The following COL6A3 variants were observed in gnomAD, a reference collection of about 807,000 sequenced individuals.
COL6A3 encodes the protein collagen alpha-3(VI) chain.
A neutral mutation model predicts 274.1 loss-of-function variants in COL6A3; 137 were observed. The ratio of observed to expected loss-of-function variants is 0.50; its 90% CI spans 0.44 to 0.58. The LOEUF (loss-of-function observed/expected upper bound fraction) is 0.58. Among genes scored for constraint, COL6A3 ranks in the 20% least tolerant of loss-of-function variants. The pLI, the probability that COL6A3 is intolerant of heterozygous loss-of-function variation, is 0.00. For missense variants in COL6A3, 3,950 were observed against 4,124.9 expected (o/e 0.96, Z 1.16); for synonymous variants, 1,650 against 1,650.6 (o/e 1.00, Z 0.01).
intron 8 of COL6A3, among the ~76,000 whole-genome samples, chr2:237,373,709 C>G (rs904056538): frequency 2.6e-5 from 4 of 152,182 alleles, no homozygotes; most frequent in African/African-American, 9.7e-5. Context: ...GTGAACCCCC[C>G]CCACCCGAGT....
intron 37 of COL6A3, 39 bp downstream of exon 37, chr2:237,342,026 T>C: frequency 3.2e-6 from 5 of 1,541,706 alleles, no homozygotes; most frequent in Non-Finnish European, 4.5e-6. Flanking sequence ...GTTTTGCAAT[T>C]GCAGCTGAGC....
intron 42 of COL6A3, chr2:237,327,982 C>T (rs1700037874): frequency 1.3e-5 from 2 of 152,218 alleles, no homozygotes; most frequent in Non-Finnish European, 2.9e-5. Context: ...AGTCTGCCCC[C>T]CAGGTATAAC....
At chr2:237,394,455 T>C (rs906991906) in intron 3 of COL6A3, 132 bp downstream of exon 3, 56 of 1,154,926 alleles carry the variant, frequency 4.8e-5, no homozygotes, top group South Asian at 1.4e-4. Flanking sequence ...AAACCTTTGT[T>C]TTTAAACCTG....
chr2:237,334,490 T>G (rs1700426819), intron 41 of COL6A3, 136 bp downstream of exon 41: 2 of 959,896 alleles, frequency 2.1e-6, no homozygotes, highest in Non-Finnish European at 3.2e-6. Flanking sequence ...CTGAGTTGTT[T>G]TGTTGTTGTT....
At chr2:237,338,721 T>C (rs1055662781) in intron 39 of COL6A3, among the ~76,000 whole-genome samples, 2 of 152,218 alleles carry the variant, frequency 1.3e-5, no homozygotes, top group African/African-American at 4.8e-5. Flanking sequence ...TGAGCCAAGA[T>C]TGCACAACTG....
In COL6A3 at chr2:237,388,008, A is replaced by T; in HGVS notation, c.886T>A (p.Leu296Met). 6.2e-7 allele frequency: 1 copy of T among 1,614,210 alleles called. No homozygotes were observed. Among genetic ancestry groups the T allele is most frequent in the Non-Finnish European group, 8.5e-7 (1 of 1,180,028 alleles). ...FSDEPRTMFSLDTYSTKAQVL... is the reference protein window; with the variant it reads ...FSDEPRTMFSMDTYSTKAQVL... ...TGGGCCTTGGTGGAGTAGGTGTCCA[A>T]GGAGAACATGGTTCTGGGCTCATCG... Residue 296 changes from leucine (L) to methionine (M), a missense_variant, in exon 4 of 44, where the codon TTG becomes ATG. By Grantham distance (15) the Leu-to-Met change is conservative. Transcript: ENST00000295550.
At chr2:237,335,049 A>T (rs890422207) in intron 40 of COL6A3, among the ~76,000 whole-genome samples, 160 bp from the exon 41 acceptor site, 2 of 152,232 alleles carry the variant, frequency 1.3e-5, no homozygotes, top group Admixed American at 1.3e-4. Flanking sequence ...CCTAAAAAAC[A>T]TTGCTCTTAT....
At chr2:237,408,040 A>G (rs1440014070) in intron 1 of COL6A3, among the ~76,000 whole-genome samples, 1 of 152,242 alleles carries the variant, frequency 6.6e-6, no homozygotes, top group Non-Finnish European at 1.5e-5. Context: ...GTTCCACTGT[A>G]AATGATTAAA....
chr2:237,354,615 T>C (rs2077277308), intron 24 of COL6A3, among the ~76,000 whole-genome samples: 1 of 152,198 alleles, frequency 6.6e-6, no homozygotes. Flanking sequence ...CCCACCTTTC[T>C]GGACCGAACC....
Position 237,372,173 on chromosome 2 carries a change from C to A in COL6A3, c.3844G>T (p.Val1282Leu), listed in dbSNP as rs535661345. The change falls in exon 9 of 44, where the codon GTG becomes TTG. Residue 1282 changes from valine to leucine, a missense_variant. Physicochemically the swap from Val to Leu is conservative, Grantham distance 32. Coordinates refer to ENST00000295550, the MANE Select transcript of COL6A3 (RefSeq NM_004369.4). ...GAATGGGCGTTCAGCAGGAACTCCA[C>A]CTTGGGGTCATCGCTGAACTGGATG... ...AVIQFSDDPK[V>L]EFLLNAHSSK... 6.2e-7 allele frequency: 1 copy of A among 1,614,158 alleles called. No homozygotes were observed. Among genetic ancestry groups the A allele is most frequent in the South Asian group, 1.1e-5 (1 of 91,082 alleles).
chr2:237,327,168 G>T (rs1292094363), intron 42 of COL6A3: 1 of 152,248 alleles, frequency 6.6e-6, no homozygotes, highest in African/African-American at 2.4e-5. Flanking sequence ...ACAAGGCAAG[G>T]TAATTTAACC....
intron 42 of COL6A3, chr2:237,333,082 GT>G (rs571368541): frequency 8.9e-5 from 29 of 326,590 alleles, no homozygotes; most frequent in Non-Finnish European, 4.8e-5. Flanking sequence ...CTTCTAAGCA[GT>G]TTTTTTATTA....
chr2:237,350,689 G>A (rs988551806), intron 27 of COL6A3, among the ~76,000 whole-genome samples: 4 of 152,198 alleles, frequency 2.6e-5, no homozygotes, highest in African/African-American at 7.2e-5. Flanking sequence ...AGTCAGGGTC[G>A]GGGCTCTTGG....
Position 237,395,696 on chromosome 2 carries a change from G to A in COL6A3, c.92-492C>T, listed in dbSNP as rs535802508. The stretch of plus-strand genomic sequence containing the variant: ...ACCCCCAATGCTTTGGGTAATTTGC[G>A]TGAAAAATAAATATAATAAATACAT... On this transcript the variant is annotated intron_variant, in intron 2 of 43. Coordinates refer to ENST00000295550, the MANE Select transcript of COL6A3 (RefSeq NM_004369.4). Among the ~76,000 whole-genome samples the A allele has an allele frequency of 1.5e-4, 23 of 152,118 alleles. No homozygotes were observed. In the South Asian group the frequency reaches 2.7e-3, roughly 18 times the overall value.
At chr2:237,406,659 G>A (rs376171058) in intron 1 of COL6A3, among the ~76,000 whole-genome samples, 6 of 151,198 alleles carry the variant, frequency 4.0e-5, no homozygotes, top group South Asian at 4.2e-4. Context: ...CTTTTTGCAC[G>A]AATCCTGGGA....
chr2:237,403,239 T>G (rs2078636896), intron 1 of COL6A3, among the ~76,000 whole-genome samples: 1 of 152,118 alleles, frequency 6.6e-6, no homozygotes, highest in Admixed American at 6.6e-5. Context: ...GGCCCAGCTA[T>G]GAGGAAGACG....
In COL6A3 at chr2:237,378,793, C is replaced by G. The variant is rs767716766; in HGVS notation, c.2340G>C (p.Gln780His). The change falls in exon 6 of 44, where the codon CAG becomes CAC. Residue 780 changes from glutamine to histidine, a missense_variant. Transcript: ENST00000295550. ...GILTFCVGAS[Q>H]ANKAELEQIA... ...TCTGCTCAAGCTCTGCCTTATTCGC[C>G]TGGCTAGCTCCCACACAAAAAGTCA... The G allele has an allele frequency of 1.9e-6, 3 of 1,614,132 alleles. No homozygotes were observed. In the African/African-American group the frequency reaches 4.0e-5, roughly 22 times the overall value.
At chr2:237,347,189 C>T (rs181904609) in intron 31 of COL6A3, among the ~76,000 whole-genome samples, 2 of 151,952 alleles carry the variant, frequency 1.3e-5, no homozygotes, top group African/African-American at 4.8e-5. Flanking sequence ...GTGGGAGGAT[C>T]GCTTGATCCC....
In COL6A3 at chr2:237,371,759, A is replaced by G. The variant is rs1383089968; in HGVS notation, c.4258T>C (p.Leu1420=). ...GGAGGTGGATAGCGAGTGCTGGCTAAGAGCTTCTGGATCTGCTCTGAGGTC... is the reference window on the plus strand; with the variant it reads ...GGAGGTGGATAGCGAGTGCTGGCTAGGAGCTTCTGGATCTGCTCTGAGGTC... The part of the protein sequence containing the change: ...TLTSEQIQKL[L]ASTRYPPPAV... Residue 1420 remains leucine (L), a synonymous_variant, in exon 9 of 44, where the codon TTA becomes CTA. Coordinates refer to ENST00000295550, the MANE Select transcript of COL6A3 (RefSeq NM_004369.4). This position sits in a 1 kb window ranked among gnomAD's most constrained non-coding sequence, Gnocchi z 4.3. 2 of 1,608,532 alleles carry G rather than the reference A, an allele frequency of 1.2e-6. No individual in the cohort carries two copies. Among genetic ancestry groups the G allele is most frequent in the South Asian group, 1.1e-5 (1 of 90,962 alleles).
Sources: allele counts gnomAD v4.1 joint callset (sites outside exome capture counted in the v4.1 genomes callset), GRCh38; gene constraint gnomAD v4.1.1; non-coding constraint Gnocchi (gnomAD v3.1); transcripts MANE v1.5; gene names NCBI Gene and HGNC (gene_info 2026-07-23, HGNC 2026-07-21).